GABRG3: variants seen among roughly 807,000 people sequenced by gnomAD.
GABRG3 encodes the protein gamma-aminobutyric acid type A receptor subunit gamma3.
GABRG3 carries 25 observed loss-of-function variants against 48.8 expected under a neutral mutation model. That is an observed-to-expected ratio of 0.51 (90% CI 0.37 to 0.72). The LOEUF (loss-of-function observed/expected upper bound fraction) is 0.72, where lower values mean the gene tolerates loss of function less well. Among genes scored for constraint, GABRG3 ranks in the 30% least tolerant of loss-of-function variants. The pLI, the probability that GABRG3 is intolerant of heterozygous loss-of-function variation, is 0.00. For missense variants in GABRG3, 394 were observed against 577.9 expected (o/e 0.68, Z 3.26); for synonymous variants, 227 against 217.6 (o/e 1.04, Z -0.38).
intron 5 of GABRG3, among the ~76,000 whole-genome samples, chr15:27,386,947 A>G (rs975865964): frequency 6.6e-6 from 1 of 152,196 alleles, no homozygotes; most frequent in African/African-American, 2.4e-5. Flanking sequence ...GCTTCTTTTG[A>G]CAATTTAAAT....
chr15:27,370,995 C>T (rs560738009), intron 5 of GABRG3, among the ~76,000 whole-genome samples: 1 of 152,296 alleles, frequency 6.6e-6, no homozygotes, highest in African/African-American at 2.4e-5. Flanking sequence ...GGAAAACAGA[C>T]ATGCAAACGT....
chr15:27,085,674 T>C (rs547626984), intron 3 of GABRG3, among the ~76,000 whole-genome samples: 92 of 152,330 alleles, frequency 6.0e-4, no homozygotes, highest in African/African-American at 2.2e-3. Flanking sequence ...ACAAACTTTT[T>C]TTTGTTTATG....
intron 6 of GABRG3, among the ~76,000 whole-genome samples, chr15:27,516,039 T>C (rs1006255465): frequency 3.3e-5 from 5 of 151,954 alleles, no homozygotes; most frequent in Admixed American, 3.3e-4. Context: ...AAATTGTAAA[T>C]TTGCTTATAT....
intron 5 of GABRG3, among the ~76,000 whole-genome samples, chr15:27,391,102 C>T (rs1249037138): frequency 6.6e-6 from 1 of 151,110 alleles, no homozygotes; most frequent in East Asian, 1.9e-4. Flanking sequence ...AAAAAAAAGA[C>T]ACAATCCCTC....
chr15:27,010,178 G>T (rs1418185800), intron 2 of GABRG3, among the ~76,000 whole-genome samples: 1 of 152,146 alleles, frequency 6.6e-6, no homozygotes, highest in Non-Finnish European at 1.5e-5. Flanking sequence ...AGGCTGATAT[G>T]TCACATACCT....
intron 5 of GABRG3, chr15:27,364,869 G>A (rs913905940): frequency 2.6e-5 from 4 of 152,192 alleles, no homozygotes; most frequent in Non-Finnish European, 5.9e-5. Context: ...ATAATACATG[G>A]TATTGCTACT....
chr15:27,424,552 C>CT (rs534239781), intron 5 of GABRG3, among the ~76,000 whole-genome samples: 9,117 of 133,552 alleles, frequency 0.068, 388 homozygotes, highest in Middle Eastern at 0.13. Context: ...AAGGTTTCAC[C>CT]TTTTTTTTTT....
Position 27,042,155 on chromosome 15 carries a change from C to T in GABRG3, c.270+15334C>T, listed in dbSNP as rs934362486. ...TGGTCTGGCTGGATGCAAGCGGCTG[C>T]CCATGTGGGTCCCATCTGCCTCCCC... is the stretch of plus-strand genomic sequence containing the variant. On this transcript the variant is annotated intron_variant, in intron 3 of 9. Transcript: ENST00000615808. 5.3e-5 allele frequency among the ~76,000 whole-genome samples: 8 copies of T among 152,336 alleles called. No individual in the cohort carries two copies. In the South Asian group the frequency reaches 6.2e-4, roughly 12 times the overall value.
intron 5 of GABRG3, among the ~76,000 whole-genome samples, chr15:27,351,201 GTGTA>G (rs1342512610): frequency 6.7e-6 from 1 of 149,536 alleles, no homozygotes; most frequent in Non-Finnish European, 1.5e-5. Flanking sequence ...GTATGTTTGT[GTGTA>G]TGGTGTTTGT....
chr15:27,102,621 C>T (rs1026684175), intron 3 of GABRG3, among the ~76,000 whole-genome samples: 3 of 152,078 alleles, frequency 2.0e-5, no homozygotes, highest in African/African-American at 7.2e-5. Context: ...GAAGATTATT[C>T]CTTGGTCACA....
At chr15:27,532,539 C>T in intron 9 of GABRG3, 61 bp from the exon 10 acceptor site, 1 of 1,515,410 alleles carries the variant, frequency 6.6e-7, no homozygotes, top group South Asian at 1.3e-5. Flanking sequence ...CTGCTTCATA[C>T]ACCTCAGGGT....
At chr15:27,520,677 G>C (rs1891139315) in intron 7 of GABRG3, among the ~76,000 whole-genome samples, 1 of 131,844 alleles carries the variant, frequency 7.6e-6, no homozygotes, top group African/African-American at 3.6e-5. Context: ...AGTAGTTTTA[G>C]AACTGTGCAA....
At chr15:27,488,671 G>A (rs898650328) in intron 6 of GABRG3, among the ~76,000 whole-genome samples, 4 of 152,146 alleles carry the variant, frequency 2.6e-5, no homozygotes, top group Non-Finnish European at 5.9e-5. Context: ...GTTTGGAAGA[G>A]AAAATGACCC....
At chr15:27,513,658 A>G (rs1022504594) in intron 6 of GABRG3, among the ~76,000 whole-genome samples, 3 of 151,920 alleles carry the variant, frequency 2.0e-5, no homozygotes, top group African/African-American at 7.3e-5. Context: ...GGAAAAGAAT[A>G]AAACAAATAG....
chr15:27,235,432 T>G (rs1595603289), intron 3 of GABRG3, among the ~76,000 whole-genome samples: 1 of 152,296 alleles, frequency 6.6e-6, no homozygotes, highest in Admixed American at 6.5e-5. Context: ...TCCACATGGC[T>G]CACTGTGTTT....
intron 3 of GABRG3, among the ~76,000 whole-genome samples, chr15:27,206,594 C>T (rs548576403): frequency 6.6e-6 from 1 of 152,018 alleles, no homozygotes; most frequent in Non-Finnish European, 1.5e-5. Flanking sequence ...ATTTTTATCC[C>T]GAGATCTTCG....
intron 3 of GABRG3, among the ~76,000 whole-genome samples, chr15:27,310,166 G>A (rs1172839175): frequency 6.6e-6 from 1 of 152,044 alleles, no homozygotes. Context: ...TCAGTGGTTG[G>A]CAGCAGTTAT....
chr15:27,421,075 A>T (rs12442980), intron 5 of GABRG3, among the ~76,000 whole-genome samples: 7,562 of 152,230 alleles, frequency 0.05, 437 homozygotes, highest in East Asian at 0.21. Context: ...GTCCCTCGTG[A>T]AGGGCACACA....
intron 2 of GABRG3, among the ~76,000 whole-genome samples, chr15:26,981,134 A>G (rs902416415): frequency 2.6e-5 from 4 of 152,248 alleles, no homozygotes; most frequent in Non-Finnish European, 5.9e-5. Context: ...CAACAAGGAC[A>G]TGATTTTTCA....
Sources: gnomAD v4.1 joint callset for allele counts (sites outside exome capture counted in the v4.1 genomes callset) on GRCh38, gnomAD v4.1.1 for gene constraint, MANE v1.5 for transcripts, NCBI Gene and HGNC (gene_info 2026-07-23, HGNC 2026-07-21) for gene names.